TREM2: variants seen among roughly 807,000 people sequenced by gnomAD.
The protein encoded by TREM2 is triggering receptor expressed on myeloid cells 2, also known as triggering receptor expressed on monocytes 2.
Under a neutral mutation model 22.9 loss-of-function variants are expected in TREM2, and 20 were observed. That is an observed-to-expected ratio of 0.87 (90% confidence interval 0.61 to 1.27). TREM2 has a LOEUF of 1.27. Among genes scored for constraint, TREM2 ranks in the 50% most tolerant of loss-of-function variants. The pLI, the probability that TREM2 is intolerant of heterozygous loss-of-function variation, is 0.00. For missense variants in TREM2, 267 were observed against 289.0 expected, an observed-to-expected ratio of 0.92 and a Z score of 0.55; for synonymous variants, 111 against 120.9, an observed-to-expected ratio of 0.92 and a Z score of 0.54.
intron 3 of TREM2, 64 bp downstream of exon 3, chr6:41,159,727 AC>A: frequency 3.4e-6 from 5 of 1,482,894 alleles, no homozygotes; most frequent in South Asian, 1.1e-5. Context: ...CCCAGCCCCC[AC>A]CCCCGTGGGG....
intron 2 of TREM2, 113 bp from the exon 3 acceptor site, chr6:41,159,995 G>A (rs1765519831): frequency 1.3e-6 from 1 of 781,100 alleles, no homozygotes; most frequent in Non-Finnish European, 2.2e-6. Flanking sequence ...CTGGTCCTAT[G>A]TGGATCAGGT....
chr6:41,161,658 T>C (rs778116618), intron 1 of TREM2, 45 bp from the exon 2 acceptor site: 33 of 1,510,536 alleles, frequency 2.2e-5, no homozygotes, highest in Non-Finnish European at 2.6e-5. Context: ...CCAAATACGC[T>C]TTGAACACTT....
At position 41,159,006 on chromosome 6, in the gene TREM2, G is replaced by C. The variant is rs778415288; in HGVS notation, c.543C>G (p.Cys181Trp). The change falls in exon 4 of 5, where the codon TGC becomes TGG. Residue 181 changes from cysteine to tryptophan, a missense_variant. Cys to Trp is a radical substitution (Grantham distance 215). Coordinates refer to ENST00000373113, the MANE Select transcript of TREM2 (RefSeq NM_018965.4). ...PPTSILLLLA[C>W]IFLIKILAAS... ...CTGCTAGAATCTTGATGAGAAAGAT[G>C]CAGGCCAGGAGGAGAAGGATGGAAG... The C allele has an allele frequency of 6.2e-7, 1 of 1,614,182 alleles. No individual in the cohort carries two copies. The highest frequency in any genetic ancestry group is 1.3e-5 in the African/African-American group (1 of 75,048).
In TREM2 at chr6:41,161,367, G is replaced by T. The variant is rs2234253; in HGVS notation, c.287C>A (p.Thr96Lys). 7.3e-3 allele frequency: 11,749 copies of T among 1,614,204 alleles called. 623 individuals carry two copies. In the African/African-American group the frequency reaches 0.12, roughly 17 times the overall value. Residue 96 changes from threonine (T) to lysine (K), a missense_variant, in exon 2 of 5, where the codon ACG becomes AAG. By Grantham distance (78) the Thr-to-Lys change is moderately conservative. Transcript: ENST00000373113. ...DDTLGGTLTI[T>K]LRNLQPHDAG... The stretch of plus-strand genomic sequence containing the variant: ...ATCATGGGGTTGTAGATTCCGCAGC[G>T]TAATGGTGAGAGTGCCACCCAGGGT...
intron 1 of TREM2, among the ~76,000 whole-genome samples, chr6:41,162,544 G>A (rs1210026088): frequency 3.3e-5 from 5 of 152,278 alleles, no homozygotes; most frequent in South Asian, 2.1e-4. Context: ...ACTCAGCAAC[G>A]GAAATCTCTA....
chr6:41,159,728 C>G lies in TREM2; in HGVS notation c.482+64G>C, dbSNP rs555483777. The G allele has an allele frequency of 1.5e-3, 2,235 of 1,487,360 alleles. 46 individuals carry two copies. The South Asian group carries it at 0.022, about 15-fold the overall frequency. 92.1% of individuals were successfully genotyped at this position (1,487,360 alleles called of 1,614,324 possible). A position where few individuals can be genotyped will look rare whatever the true frequency, so the allele number is the denominator to read the frequency against. On this transcript the variant is annotated intron_variant, in intron 3 of 4. Coordinates refer to ENST00000373113, the MANE Select transcript of TREM2 (RefSeq NM_018965.4). The stretch of plus-strand genomic sequence containing the variant: ...TGTAGTTCAGGATGCCCAGCCCCCA[C>G]CCCCGTGGGGCTCTGCAGGGTGGAA...
Position 41,159,726 on chromosome 6 carries a change from C to A in TREM2, c.482+66G>T, listed in dbSNP as rs1430152364. 21 of 1,472,872 alleles carry A rather than the reference C, an allele frequency of 1.4e-5. No individual in the cohort carries two copies. The East Asian group carries it at 4.3e-4, about 30-fold the overall frequency. 91.2% of individuals were successfully genotyped at this position (1,472,872 alleles called of 1,614,324 possible). A position where few individuals can be genotyped will look rare whatever the true frequency, so the allele number is the denominator to read the frequency against. On this transcript the variant is annotated intron_variant, in intron 3 of 4. Transcript: ENST00000373113. ...TTTGTAGTTCAGGATGCCCAGCCCCCACCCCCGTGGGGCTCTGCAGGGTGG... is the reference window on the plus strand; with the variant it reads ...TTTGTAGTTCAGGATGCCCAGCCCCAACCCCCGTGGGGCTCTGCAGGGTGG...
chr6:41,159,760 C>G (rs780108939), intron 3 of TREM2, 32 bp downstream of exon 3: 2 of 1,607,840 alleles, frequency 1.2e-6, no homozygotes, highest in Non-Finnish European at 1.7e-6. Flanking sequence ...GGAAGTCTGC[C>G]CACGGGTTTT....
chr6:41,160,066 T>G (rs948937763), intron 2 of TREM2, among the ~76,000 whole-genome samples, 184 bp from the exon 3 acceptor site: 3 of 152,142 alleles, frequency 2.0e-5, no homozygotes, highest in African/African-American at 7.2e-5. Flanking sequence ...GAACACTTCC[T>G]TAATAGCAGG....
At chr6:41,160,422 TGGGAGAA>T (rs1765533294) in intron 2 of TREM2, among the ~76,000 whole-genome samples, 1 of 152,024 alleles carries the variant, frequency 6.6e-6, no homozygotes, top group Non-Finnish European at 1.5e-5. Context: ...AGAGCCATAC[TGGGAGAA>T]GGGGTTGGAA....
Position 41,161,280 on chromosome 6 carries a change from A to G in TREM2, c.374T>C (p.Leu125Pro). Residue 125 changes from leucine to proline, a missense_variant, in exon 2 of 5, where the codon CTG (leucine) becomes CCG (proline). Coordinates refer to ENST00000373113, the MANE Select transcript of TREM2 (RefSeq NM_018965.4). ...CCACTCACCTGCCAGCACCTCCACC[A>G]GGACCTTCCTGAGGGTGTCAGCCTC... ...GSEADTLRKV[L>P]VEVLADPLDH... The G allele has an allele frequency of 6.2e-7, 1 of 1,614,060 alleles. No individual in the cohort carries two copies. The highest frequency in any genetic ancestry group is 8.5e-7 in the Non-Finnish European group (1 of 1,179,944).
At chr6:41,159,201 T>A (rs1765496369) in intron 3 of TREM2, 135 bp from the exon 4 acceptor site, 2 of 1,067,482 alleles carry the variant, frequency 1.9e-6, no homozygotes, top group Non-Finnish European at 2.8e-6. Flanking sequence ...GGGATGGGCC[T>A]TTTTGGAGCT....
chr6:41,161,053 C>G (rs1178650851), intron 2 of TREM2, among the ~76,000 whole-genome samples: 1 of 152,222 alleles, frequency 6.6e-6, no homozygotes, highest in Admixed American at 6.5e-5. Context: ...GGAACACAGT[C>G]TGGCAAAAGG....
At chr6:41,161,699 T>A in intron 1 of TREM2, 86 bp from the exon 2 acceptor site, 1 of 1,206,682 alleles carries the variant, frequency 8.3e-7, no homozygotes, top group East Asian at 2.5e-5. Context: ...CAGACAAAAA[T>A]CCTGCCCTGA....
intron 3 of TREM2, among the ~76,000 whole-genome samples, chr6:41,159,375 T>C (rs1447029552): frequency 6.6e-6 from 1 of 152,160 alleles, no homozygotes; most frequent in African/African-American, 2.4e-5. Flanking sequence ...ATGAACAACG[T>C]TTAAACACCA....
At chr6:41,161,701 C>T (rs1449358309) in intron 1 of TREM2, 88 bp from the exon 2 acceptor site, 3 of 1,193,062 alleles carry the variant, frequency 2.5e-6, no homozygotes, top group Non-Finnish European at 1.2e-6. Context: ...GACAAAAATC[C>T]TGCCCTGAAG....
chr6:41,162,318 G>T (rs1388925900), intron 1 of TREM2, among the ~76,000 whole-genome samples: 1 of 152,156 alleles, frequency 6.6e-6, no homozygotes, highest in Admixed American at 6.6e-5. Context: ...GACCAGATGG[G>T]CCGTGGCCCT....
In TREM2 at chr6:41,162,909, T is replaced by G. The variant is rs754992622; in HGVS notation, c.40+134A>C. On this transcript the variant is annotated intron_variant, in intron 1 of 4. Coordinates refer to ENST00000373113, the MANE Select transcript of TREM2 (RefSeq NM_018965.4). ...ATGGGCAGGGTGGGGAGGAGAGGAG[T>G]GCAGAACAGGGCACTCAGGCATGCG... The G allele has an allele frequency of 6.4e-4, 728 of 1,129,864 alleles. 1 individual carries two copies. The highest frequency in any genetic ancestry group is 9.1e-4 in the Non-Finnish European group (689 of 760,306). The allele number at this position is 1,129,864 out of a possible 1,614,324, so 70.0% of individuals were successfully genotyped here.
chr6:41,162,693 T>C (rs913859516), intron 1 of TREM2, among the ~76,000 whole-genome samples: 5 of 152,064 alleles, frequency 3.3e-5, no homozygotes, highest in African/African-American at 1.2e-4. Context: ...TGGCTTATAA[T>C]TTCAGAGGCT....
Sources: gnomAD v4.1 joint callset for allele counts (sites outside exome capture counted in the v4.1 genomes callset) on GRCh38, gnomAD v4.1.1 for gene constraint, MANE v1.5 for transcripts, NCBI Gene and HGNC (gene_info 2026-07-23, HGNC 2026-07-21) for gene names.